Variants in ADD3 observed in about 807,000 individuals in gnomAD.
ADD3 encodes gamma-adducin.
ADD3 carries 25 observed loss-of-function variants against 80.2 expected under a neutral mutation model. That is an observed-to-expected ratio of 0.31 (90% CI 0.23 to 0.44). The LOEUF is 0.44. Among genes scored for constraint, ADD3 ranks in the 20% least tolerant of loss-of-function variants. ADD3 has a pLI of 1.00. For synonymous variants in ADD3, 284 were observed against 289.6 expected (o/e 0.98, Z 0.20); for missense variants, 829 against 847.5 (o/e 0.98, Z 0.27).
At chr10:110,057,961 A>G (rs911240017) in intron 1 of ADD3, among the ~76,000 whole-genome samples, 1 of 152,250 alleles carries the variant, frequency 6.6e-6, no homozygotes, top group African/African-American at 2.4e-5. Context: ...TCTTTGCATG[A>G]ATATCAAGTG....
At chr10:110,126,217 G>T (rs930831152) in intron 11 of ADD3, among the ~76,000 whole-genome samples, 200 bp from the exon 12 acceptor site, 6 of 152,266 alleles carry the variant, frequency 3.9e-5, no homozygotes, top group South Asian at 2.1e-4. Context: ...AACCTAAGAC[G>T]AAAGGAAATA....
Position 110,124,199 on chromosome 10 carries a change from A to T in ADD3, c.1326A>T (p.Ser442=). 1 of 1,614,224 alleles carries T rather than the reference A, an allele frequency of 6.2e-7. No individual in the cohort carries two copies. The highest frequency in any genetic ancestry group is 2.2e-5 in the East Asian group (1 of 44,882). Residue 442 remains serine, a synonymous_variant, in exon 10 of 15, where the codon TCA becomes TCT. Transcript: ENST00000356080. ...QQREKTRWLN[S]PNTYMKVNVP... is the part of the protein sequence containing the mutation. ...GTGAAAAAACAAGATGGCTGAACTC[A>T]CCAAATACTTACATGAAAGTGAATG...
At chr10:110,104,589 C>T (rs1006312269) in intron 2 of ADD3, among the ~76,000 whole-genome samples, 5 of 152,156 alleles carry the variant, frequency 3.3e-5, no homozygotes, top group Non-Finnish European at 7.4e-5. Context: ...AGATTAAAGT[C>T]AGATTTTACT....
chr10:110,130,156 T>G (rs556305283), intron 12 of ADD3, among the ~76,000 whole-genome samples: 28 of 152,324 alleles, frequency 1.8e-4, no homozygotes, highest in African/African-American at 6.7e-4. Flanking sequence ...TCACTGGCAA[T>G]TTTAGTCCAT....
intron 1 of ADD3, among the ~76,000 whole-genome samples, chr10:110,080,831 T>C (rs1234187008): frequency 6.6e-6 from 1 of 152,220 alleles, no homozygotes; most frequent in Non-Finnish European, 1.5e-5. Flanking sequence ...TTTTCAGATT[T>C]GATGCTGAGG....
intron 1 of ADD3, among the ~76,000 whole-genome samples, chr10:110,008,584 C>G (rs767291067): frequency 6.6e-6 from 1 of 152,130 alleles, no homozygotes. Context: ...CGGGTGGGCC[C>G]GACGCTTCGC....
chr10:110,026,380 A>G (rs1219549304), intron 1 of ADD3, among the ~76,000 whole-genome samples: 6 of 150,162 alleles, frequency 4.0e-5, no homozygotes, highest in African/African-American at 1.5e-4. Context: ...CTCCCGGTTC[A>G]AGCAATTCTC....
intron 1 of ADD3, among the ~76,000 whole-genome samples, chr10:110,035,857 G>A (rs941603666): frequency 7.9e-5 from 12 of 151,898 alleles, no homozygotes; most frequent in Admixed American, 6.6e-4. Flanking sequence ...TGTCCCCATC[G>A]AAGCCTATCA....
At chr10:110,068,194 G>C (rs1378680201) in intron 1 of ADD3, among the ~76,000 whole-genome samples, 1 of 151,796 alleles carries the variant, frequency 6.6e-6, no homozygotes, top group Non-Finnish European at 1.5e-5. Flanking sequence ...TGGTTTCTTA[G>C]CTCCTCCTTT....
intron 3 of ADD3, 109 bp downstream of exon 3, chr10:110,113,024 A>G (rs1850246453): frequency 8.5e-7 from 1 of 1,172,512 alleles, no homozygotes; most frequent in Admixed American, 2.2e-5. Context: ...AGTTTATAAC[A>G]TCTAATACTT....
chr10:110,014,557 C>G (rs1852703281), intron 1 of ADD3, among the ~76,000 whole-genome samples: 1 of 152,082 alleles, frequency 6.6e-6, no homozygotes, highest in Non-Finnish European at 1.5e-5. Context: ...GAGTTTTTTA[C>G]TCTTGTTGCC....
At position 110,108,300 on chromosome 10, in the gene ADD3, A is replaced by G. The variant is rs563417660; in HGVS notation, c.196-4477A>G. Among the ~76,000 whole-genome samples, 61 of 152,324 alleles carry G rather than the reference A, an allele frequency of 4.0e-4. 1 individual carries two copies. In the South Asian group the frequency reaches 0.012, roughly 29 times the overall value. On this transcript the variant is annotated intron_variant, in intron 2 of 14. Coordinates refer to ENST00000356080, the MANE Select transcript of ADD3 (RefSeq NM_016824.5). ...TAATCTAGCCTAAGAGGTTTACTCA[A>G]CATTTCAGATCACAACATGCCTGCT...
chr10:109,999,084 C>T (rs1239541779), intron 1 of ADD3, among the ~76,000 whole-genome samples: 2 of 152,030 alleles, frequency 1.3e-5, no homozygotes, highest in African/African-American at 4.8e-5. Flanking sequence ...GTGAAAATAA[C>T]TGAGTGAATT....
At chr10:110,111,870 G>A (rs1359601836) in intron 2 of ADD3, among the ~76,000 whole-genome samples, 1 of 151,586 alleles carries the variant, frequency 6.6e-6, no homozygotes, top group Non-Finnish European at 1.5e-5. Flanking sequence ...TTGAGATCGC[G>A]CCGTTGCACT....
intron 1 of ADD3, among the ~76,000 whole-genome samples, chr10:110,079,720 T>C (rs1441821074): frequency 1.3e-5 from 2 of 152,026 alleles, no homozygotes; most frequent in African/African-American, 4.8e-5. Context: ...TTTGTATTTT[T>C]AGTAGAGATG....
At chr10:110,118,474 A>ATATT in intron 5 of ADD3, 113 bp from the exon 6 acceptor site, 1 of 863,380 alleles carries the variant, frequency 1.2e-6, no homozygotes, top group Admixed American at 2.2e-5. Flanking sequence ...AAAGTCCAAA[A>ATATT]TATTTGCTAT....
intron 1 of ADD3, among the ~76,000 whole-genome samples, chr10:110,021,640 T>G (rs1490101292): frequency 1.3e-5 from 2 of 152,194 alleles, no homozygotes; most frequent in Non-Finnish European, 2.9e-5. Context: ...TCCACTTACA[T>G]GAAATGTCTA....
intron 3 of ADD3, among the ~76,000 whole-genome samples, chr10:110,113,337 G>T (rs551527745): frequency 6.6e-6 from 1 of 151,988 alleles, no homozygotes; most frequent in Non-Finnish European, 1.5e-5. Context: ...GCCCGATCTC[G>T]GCTCACTGCA....
chr10:109,997,754 G>A (rs1332471330), intron 1 of ADD3, among the ~76,000 whole-genome samples: 1 of 152,208 alleles, frequency 6.6e-6, no homozygotes, highest in Admixed American at 6.5e-5. Context: ...GCAAATATTT[G>A]AAAGAACACT....
Sources: gnomAD v4.1 joint callset for allele counts (sites outside exome capture counted in the v4.1 genomes callset) on GRCh38, gnomAD v4.1.1 for gene constraint, MANE v1.5 for transcripts, NCBI Gene and HGNC (gene_info 2026-07-23, HGNC 2026-07-21) for gene names.